Variants in XIRP2 observed in about 807,000 individuals in gnomAD.
XIRP2 encodes xin actin-binding repeat-containing protein 2.
Under a neutral mutation model 277.0 loss-of-function variants are expected in XIRP2, and 236 were observed. That is an observed-to-expected ratio of 0.85 (90% CI 0.77 to 0.95). XIRP2 has a LOEUF of 0.95. XIRP2 is among the 40% of genes least tolerant of loss of function. The pLI is 0.00. For missense variants in XIRP2, 4,640 were observed against 4,157.5 expected, an observed-to-expected ratio of 1.12 and a Z score of -3.19; for synonymous variants, 1,490 against 1,416.5, an observed-to-expected ratio of 1.05 and a Z score of -1.17.
chr2:167,179,600 G>A (rs113252683), intron 3 of XIRP2, among the ~76,000 whole-genome samples: 22,271 of 151,074 alleles, frequency 0.15, 2,483 homozygotes, highest in African/African-American at 0.32. Flanking sequence ...GATTACAGGC[G>A]TGAGCCACCG....
chr2:167,205,512 C>T (rs1463357742), intron 3 of XIRP2, among the ~76,000 whole-genome samples: 1 of 152,008 alleles, frequency 6.6e-6, no homozygotes, highest in Non-Finnish European at 1.5e-5. Flanking sequence ...TGTTGCTGTA[C>T]TGTGCTAATT....
At chr2:167,051,678 T>C (rs1423385987) in intron 2 of XIRP2, among the ~76,000 whole-genome samples, 2 of 152,216 alleles carry the variant, frequency 1.3e-5, no homozygotes, top group African/African-American at 4.8e-5. Context: ...GTATGTCATA[T>C]TATGATCTAT....
chr2:167,195,839 G>A lies in XIRP2; in HGVS notation c.563-14896G>A, dbSNP rs1324708716. On this transcript the variant is annotated intron_variant, in intron 3 of 10. Coordinates refer to ENST00000409195, the MANE Select transcript of XIRP2 (RefSeq NM_152381.6). ...CAGAAACAATTCAGATGTGTTGAAA[G>A]CGTCTGACTCTGGGCTGCAGGAGTA... Among the ~76,000 whole-genome samples, 3 of 152,300 alleles carry A rather than the reference G, an allele frequency of 2.0e-5. No homozygotes were observed. In the East Asian group the frequency reaches 5.8e-4, roughly 29 times the overall value.
intron 2 of XIRP2, among the ~76,000 whole-genome samples, chr2:167,039,891 A>G (rs1306985831): frequency 3.3e-5 from 5 of 152,240 alleles, no homozygotes; most frequent in Non-Finnish European, 7.3e-5. Context: ...TTTTACATAT[A>G]GGTAAATATG....
intron 2 of XIRP2, among the ~76,000 whole-genome samples, chr2:167,132,851 C>G (rs115127174): frequency 0.015 from 2,270 of 152,274 alleles, 65 homozygotes; most frequent in African/African-American, 0.052. Flanking sequence ...GTTAATTCCC[C>G]CATTAAGACA....
At chr2:166,917,777 A>G (rs536386258) in intron 2 of XIRP2, among the ~76,000 whole-genome samples, 192 of 152,272 alleles carry the variant, frequency 1.3e-3, no homozygotes, top group Middle Eastern at 6.8e-3. Flanking sequence ...AAGAATATTG[A>G]TACTAGCTCT....
intron 2 of XIRP2, among the ~76,000 whole-genome samples, chr2:167,033,855 C>A (rs1415748289): frequency 6.6e-6 from 1 of 152,022 alleles, no homozygotes; most frequent in African/African-American, 2.4e-5. Flanking sequence ...AATACTAGAC[C>A]AGTCCTACAG....
At chr2:167,084,891 A>G (rs1689881793) in intron 2 of XIRP2, among the ~76,000 whole-genome samples, 1 of 151,462 alleles carries the variant, frequency 6.6e-6, no homozygotes, top group Admixed American at 6.6e-5. Flanking sequence ...TCAAAAAACC[A>G]GCTCCTGGAT....
At chr2:167,003,902 A>G (rs1286097551) in intron 2 of XIRP2, among the ~76,000 whole-genome samples, 1 of 151,976 alleles carries the variant, frequency 6.6e-6, no homozygotes, top group African/African-American at 2.4e-5. Context: ...GAATACTGCT[A>G]TCAAATATAT....
intron 4 of XIRP2, among the ~76,000 whole-genome samples, chr2:167,211,985 G>A (rs1483899792): frequency 1.3e-5 from 2 of 151,948 alleles, no homozygotes; most frequent in South Asian, 4.1e-4. Context: ...GAGAGAGAGA[G>A]AAAAGCCAAA....
intron 1 of XIRP2, among the ~76,000 whole-genome samples, chr2:166,899,325 G>A (rs1440180406): frequency 1.3e-5 from 2 of 151,904 alleles, no homozygotes; most frequent in Non-Finnish European, 2.9e-5. Context: ...TAATTGTGTT[G>A]GTTAACTTCT....
intron 2 of XIRP2, among the ~76,000 whole-genome samples, chr2:166,914,238 A>C (rs1280489232): frequency 6.6e-6 from 1 of 152,176 alleles, no homozygotes; most frequent in Non-Finnish European, 1.5e-5. Context: ...AAGGAAATGG[A>C]TGCTCCCCAA....
intron 2 of XIRP2, among the ~76,000 whole-genome samples, chr2:167,068,787 A>G (rs1013805965): frequency 6.6e-6 from 1 of 152,142 alleles, no homozygotes; most frequent in African/African-American, 2.4e-5. Flanking sequence ...ACAGCTTTGA[A>G]TGTGGCCCAG....
chr2:166,985,183 A>G (rs1186721918), intron 2 of XIRP2, among the ~76,000 whole-genome samples: 2 of 152,224 alleles, frequency 1.3e-5, no homozygotes, highest in Non-Finnish European at 2.9e-5. Context: ...TGTCATCATT[A>G]AAAATGGAAA....
intron 2 of XIRP2, among the ~76,000 whole-genome samples, chr2:167,051,238 A>G (rs532543026): frequency 6.0e-4 from 92 of 152,212 alleles, no homozygotes; most frequent in African/African-American, 1.3e-3. Flanking sequence ...TGGAACATGT[A>G]AGACACTTGT....
At chr2:166,936,417 T>A (rs1343168140) in intron 2 of XIRP2, among the ~76,000 whole-genome samples, 1 of 152,236 alleles carries the variant, frequency 6.6e-6, no homozygotes, top group Admixed American at 6.5e-5. Context: ...TTTAGTTTAA[T>A]TAGATCCCAT....
At chr2:167,168,037 T>A (rs1692577308) in intron 3 of XIRP2, among the ~76,000 whole-genome samples, 1 of 152,174 alleles carries the variant, frequency 6.6e-6, no homozygotes. Context: ...TCAACACTTG[T>A]ATATTTCACT....
chr2:167,141,953 G>A (rs1691730556), intron 3 of XIRP2, among the ~76,000 whole-genome samples: 1 of 152,146 alleles, frequency 6.6e-6, no homozygotes, highest in Non-Finnish European at 1.5e-5. Context: ...TTCTCTGAAT[G>A]ATCCCAGGCC....
At chr2:167,203,231 G>A (rs925916288) in intron 3 of XIRP2, among the ~76,000 whole-genome samples, 2 of 152,194 alleles carry the variant, frequency 1.3e-5, no homozygotes, top group Non-Finnish European at 2.9e-5. Flanking sequence ...CTACTACAAT[G>A]CTAAATCTTG....
Sources: allele counts gnomAD v4.1 joint callset (sites outside exome capture counted in the v4.1 genomes callset), GRCh38; gene constraint gnomAD v4.1.1; transcripts MANE v1.5; gene names NCBI Gene and HGNC (gene_info 2026-07-23, HGNC 2026-07-21).